The following TRAPPC12 variants were observed in gnomAD, a reference collection of about 807,000 sequenced individuals.
TRAPPC12 encodes the protein TPR repeat protein 15.
In TRAPPC12, 61 loss-of-function variants were observed where a neutral mutation model predicts 69.2. The ratio of observed to expected loss-of-function variants is 0.88; its 90% confidence interval spans 0.72 to 1.09. TRAPPC12 has a LOEUF of 1.09. Among genes scored for constraint, TRAPPC12 ranks in the 50% least tolerant of loss-of-function variants. The pLI is 0.00. For missense variants in TRAPPC12, 1,101 were observed against 1,016.4 expected (o/e 1.08, Z -1.13); for synonymous variants, 469 against 438.9 (o/e 1.07, Z -0.86).
rs1218322554 is a variant in TRAPPC12 at position 3,414,218 on chromosome 2, C to A, written c.1165-7663C>A. Among the ~76,000 whole-genome samples the A allele has an allele frequency of 6.6e-6, 1 of 152,158 alleles. No individual in the cohort carries two copies. Among genetic ancestry groups the A allele is most frequent in the Non-Finnish European group, 1.5e-5 (1 of 68,042 alleles). ...ATATGTGATTTAATTATATTTCCAT[C>A]AGCAGTAGGACTGCAGATTCAGCTC... On this transcript the variant is annotated intron_variant, in intron 3 of 11. Transcript: ENST00000324266. This position sits in a 1 kb window ranked among gnomAD's most constrained non-coding sequence, Gnocchi z 4.9.
At chr2:3,467,476 G>C (rs185416666) in intron 9 of TRAPPC12, 1 of 152,150 alleles carries the variant, frequency 6.6e-6, no homozygotes, top group Admixed American at 6.5e-5. Flanking sequence ...CTCTGAAGAC[G>C]TTGTGACGTG....
chr2:3,386,799 G>A (rs1660513606), intron 1 of TRAPPC12, among the ~76,000 whole-genome samples: 2 of 152,242 alleles, frequency 1.3e-5, no homozygotes, highest in South Asian at 4.1e-4. Flanking sequence ...GAGGGACTTA[G>A]CTGACTCTCA....
At chr2:3,424,750 T>C in intron 5 of TRAPPC12, 87 bp downstream of exon 5, 1 of 1,384,006 alleles carries the variant, frequency 7.2e-7, no homozygotes, top group Middle Eastern at 1.9e-4. Context: ...TAGCCTCAGT[T>C]TTCCTTATTT....
intron 1 of TRAPPC12, among the ~76,000 whole-genome samples, chr2:3,380,084 C>T (rs1660135048): frequency 6.6e-6 from 1 of 152,202 alleles, no homozygotes. Context: ...TCGCCGCGGC[C>T]CTTGCTCTCC....
chr2:3,428,591 T>TA (rs533364646), intron 5 of TRAPPC12, among the ~76,000 whole-genome samples: 3 of 152,128 alleles, frequency 2.0e-5, no homozygotes, highest in Admixed American at 6.5e-5. Context: ...GAAGGTTTTT[T>TA]AAAAAAAATT....
chr2:3,433,669 T>C (rs1001576848), intron 5 of TRAPPC12, among the ~76,000 whole-genome samples: 3 of 152,234 alleles, frequency 2.0e-5, no homozygotes, highest in African/African-American at 7.2e-5. Context: ...CTCTTTTCTA[T>C]AGTGGCAGCA....
At chr2:3,428,392 T>G (rs1395531922) in intron 5 of TRAPPC12, among the ~76,000 whole-genome samples, 1 of 152,244 alleles carries the variant, frequency 6.6e-6, no homozygotes, top group African/African-American at 2.4e-5. Context: ...AGATTTTGAT[T>G]CATTCACTTC....
chr2:3,449,822 A>G (rs377623334), intron 6 of TRAPPC12, among the ~76,000 whole-genome samples: 3 of 152,170 alleles, frequency 2.0e-5, no homozygotes, highest in African/African-American at 7.2e-5. Context: ...TGCTGCTTCC[A>G]CAGAAAACAA....
rs1002730981 is a variant in TRAPPC12, at chr2:3,388,212, C to T, written c.589C>T (p.Pro197Ser). 5.0e-6 allele frequency: 8 copies of T among 1,608,954 alleles called. No homozygotes were observed. The highest frequency in any genetic ancestry group is 2.7e-5 in the African/African-American group (2 of 74,198). ...CAGCGAGGCCTCGGCCAGGACACCGCCCCAGGTCGTGCAGCCCAGCCCCAG... is the reference window on the plus strand; with the variant it reads ...CAGCGAGGCCTCGGCCAGGACACCGTCCCAGGTCGTGCAGCCCAGCCCCAG... ...GASEASARTP[P>S]QVVQPSPSLS... The change falls in exon 2 of 12, where the codon CCC becomes TCC. Residue 197 changes from proline (P) to serine (S), a missense_variant. Physicochemically the swap from Pro to Ser is moderately conservative, Grantham distance 74. Coordinates refer to ENST00000324266, the MANE Select transcript of TRAPPC12 (RefSeq NM_016030.6).
chr2:3,396,418 G>A (rs80266009), intron 2 of TRAPPC12, among the ~76,000 whole-genome samples: 114 of 152,164 alleles, frequency 7.5e-4, no homozygotes, highest in Admixed American at 1.3e-3. Context: ...TGGTTCTGAT[G>A]TACTTTCACA....
At chr2:3,433,440 C>T (rs781515343) in intron 5 of TRAPPC12, among the ~76,000 whole-genome samples, 4 of 152,220 alleles carry the variant, frequency 2.6e-5, no homozygotes, top group Non-Finnish European at 4.4e-5. Flanking sequence ...TCATGTCACA[C>T]CTGCTGCGGC....
chr2:3,427,063 G>C (rs1359449357), intron 5 of TRAPPC12, among the ~76,000 whole-genome samples: 1 of 152,212 alleles, frequency 6.6e-6, no homozygotes, highest in Admixed American at 6.5e-5. Flanking sequence ...AAAGGTTAAA[G>C]GCATTGTTAA....
At chr2:3,383,871 GT>G (rs34956958) in intron 1 of TRAPPC12, among the ~76,000 whole-genome samples, 11 of 85,592 alleles carry the variant, frequency 1.3e-4, no homozygotes, top group South Asian at 4.4e-4. Flanking sequence ...GTTCAGTCTT[GT>G]TTTTTTTTTT....
At chr2:3,420,870 A>C (rs1257189279) in intron 3 of TRAPPC12, among the ~76,000 whole-genome samples, 2 of 152,220 alleles carry the variant, frequency 1.3e-5, no homozygotes, top group African/African-American at 4.8e-5. Context: ...CGTTTTTAAA[A>C]TATGTAAACT....
chr2:3,418,464 T>A (rs185420115), intron 3 of TRAPPC12, among the ~76,000 whole-genome samples: 90 of 152,300 alleles, frequency 5.9e-4, no homozygotes, highest in Non-Finnish European at 1.1e-3. Context: ...AATGAACTAC[T>A]GAGCCACGAG....
intron 2 of TRAPPC12, among the ~76,000 whole-genome samples, chr2:3,401,459 C>T (rs1001500669): frequency 6.6e-6 from 1 of 152,240 alleles, no homozygotes; most frequent in South Asian, 2.1e-4. Flanking sequence ...GGCTTTGCCT[C>T]TCACTACAAG....
At chr2:3,476,669 A>G (rs1040446894) in intron 9 of TRAPPC12, among the ~76,000 whole-genome samples, 1 of 152,224 alleles carries the variant, frequency 6.6e-6, no homozygotes, top group East Asian at 1.9e-4. Context: ...CAGTCATCTG[A>G]GAAGTTAGCA....
chr2:3,459,435 A>G (rs760972507), intron 7 of TRAPPC12, among the ~76,000 whole-genome samples: 12 of 152,154 alleles, frequency 7.9e-5, no homozygotes, highest in Non-Finnish European at 1.3e-4. Context: ...GGTCATCCCA[A>G]TGATAAACAG....
chr2:3,411,868 T>C (rs1043682316), intron 3 of TRAPPC12, among the ~76,000 whole-genome samples: 4 of 152,238 alleles, frequency 2.6e-5, no homozygotes, highest in African/African-American at 9.6e-5. Flanking sequence ...CCAGGTTATG[T>C]TTTCCACAGC....
Sources: gnomAD v4.1 joint callset for allele counts (sites outside exome capture counted in the v4.1 genomes callset) on GRCh38, gnomAD v4.1.1 for gene constraint, Gnocchi (gnomAD v3.1) non-coding constraint, MANE v1.5 for transcripts, NCBI Gene and HGNC (gene_info 2026-07-23, HGNC 2026-07-21) for gene names.